The following DYM variants were observed in gnomAD, a reference collection of about 807,000 sequenced individuals.
DYM encodes dymeclin, also known as dyggve-Melchior-Clausen syndrome protein.
In DYM, 78 loss-of-function variants were observed where a neutral mutation model predicts 93.1. The ratio of observed to expected loss-of-function variants is 0.84; its 90% confidence interval spans 0.70 to 1.01. DYM has a LOEUF of 1.01. Ranked by LOEUF, DYM falls within the 50% of genes least tolerant of loss-of-function variation. DYM has a pLI of 0.00. For synonymous variants in DYM, 321 were observed against 319.7 expected, an observed-to-expected ratio of 1.00 and a Z score of -0.04; for missense variants, 789 against 845.0, an observed-to-expected ratio of 0.93 and a Z score of 0.82.
intron 3 of DYM, 77 bp downstream of exon 3, chr18:49,391,516 A>T: frequency 7.4e-7 from 1 of 1,355,100 alleles, no homozygotes; most frequent in Non-Finnish European, 1.1e-6. Flanking sequence ...TTACTTCATT[A>T]ATTCAGTTCA....
At position 49,306,912 on chromosome 18, in the gene DYM, TG is replaced by T. The variant is rs567701654; in HGVS notation, c.764-20297del. On this transcript the variant is annotated intron_variant, in intron 8 of 17. Transcript: ENST00000675505. ...TTGTGAAGAGTATGACGAAAATATC[TG>T]GAGACTGAGGACACAAACTGGTACC... Among the ~76,000 whole-genome samples, 52 of 152,310 alleles carry T rather than the reference TG, an allele frequency of 3.4e-4. 2 individuals carry two copies. In the East Asian group the frequency reaches 8.7e-3, roughly 25 times the overall value.
intron 11 of DYM, among the ~76,000 whole-genome samples, chr18:49,268,460 G>A (rs1236822032): frequency 6.6e-6 from 1 of 152,172 alleles, no homozygotes; most frequent in Non-Finnish European, 1.5e-5. Flanking sequence ...AGTCAGCGAA[G>A]TTTAATTTTA....
At chr18:49,120,078 C>CAAAAAAAAAAAAAAAAAAAA (rs71165367) in intron 15 of DYM, among the ~76,000 whole-genome samples, 13 of 55,992 alleles carry the variant, frequency 2.3e-4, no homozygotes, top group Non-Finnish European at 3.1e-4. Flanking sequence ...GATCCTGTCT[C>CAAAAAAAAAAAAAAAAAAAA]AAAAAAAAAA....
chr18:49,064,585 G>A (rs1293686412), intron 17 of DYM, among the ~76,000 whole-genome samples: 1 of 152,082 alleles, frequency 6.6e-6, no homozygotes, highest in African/African-American at 2.4e-5. Context: ...AATTCTACTT[G>A]AAAACTAAAA....
intron 2 of DYM, chr18:49,412,939 G>A (rs999495696): frequency 6.6e-6 from 1 of 152,182 alleles, no homozygotes; most frequent in Admixed American, 6.5e-5. Context: ...CTCTACTCAA[G>A]GCAAGGTGAA....
At chr18:49,115,420 A>T (rs532088033) in intron 16 of DYM, among the ~76,000 whole-genome samples, 1 of 152,342 alleles carries the variant, frequency 6.6e-6, no homozygotes, top group East Asian at 1.9e-4. Context: ...CATTTACTGC[A>T]GGTGTATATT....
intron 17 of DYM, among the ~76,000 whole-genome samples, chr18:49,051,908 T>G (rs186480368): frequency 1.9e-4 from 29 of 152,356 alleles, no homozygotes; most frequent in Non-Finnish European, 4.1e-4. Flanking sequence ...CAGCCGTTAT[T>G]GGAAAACCTG....
In DYM at chr18:49,368,882, C is replaced by T. The variant is rs114787612; in HGVS notation, c.422-5649G>A. 3.4e-3 allele frequency among the ~76,000 whole-genome samples: 521 copies of T among 152,338 alleles called. 4 individuals are homozygous for T. The highest frequency in any genetic ancestry group is 0.012 in the African/African-American group (483 of 41,578). ...GGGTAATTAACAAATTTTAAATATA[C>T]TTCCACAAATTTCCTATCTTGTATC... On this transcript the variant is annotated intron_variant, in intron 5 of 17. Transcript: ENST00000675505.
chr18:49,355,227 A>G (rs557764038), intron 6 of DYM, among the ~76,000 whole-genome samples: 2 of 152,172 alleles, frequency 1.3e-5, no homozygotes, highest in African/African-American at 4.8e-5. Context: ...ACTTATAGAT[A>G]CATTGATAGA....
intron 13 of DYM, among the ~76,000 whole-genome samples, chr18:49,243,292 G>T (rs1308960344): frequency 3.9e-5 from 6 of 152,102 alleles, no homozygotes; most frequent in Non-Finnish European, 1.5e-5. Context: ...TCTGACACAT[G>T]GTAGCCACAC....
chr18:49,080,101 C>A (rs1222972973), intron 17 of DYM, among the ~76,000 whole-genome samples: 1 of 92,852 alleles, frequency 1.1e-5, no homozygotes, highest in Admixed American at 1.1e-4. Context: ...GGCGGCTGGC[C>A]GGGCGGGGGG....
intron 5 of DYM, among the ~76,000 whole-genome samples, chr18:49,366,675 C>T (rs1376067014): frequency 2.6e-5 from 4 of 152,118 alleles, no homozygotes; most frequent in Admixed American, 6.6e-5. Context: ...TTTTAAATTA[C>T]CACAATAGGT....
intron 15 of DYM, among the ~76,000 whole-genome samples, chr18:49,134,069 G>A (rs1054595264): frequency 1.3e-5 from 2 of 152,172 alleles, no homozygotes; most frequent in Non-Finnish European, 1.5e-5. Context: ...TTGATTGATA[G>A]AAGAACAGAG....
intron 13 of DYM, among the ~76,000 whole-genome samples, chr18:49,251,275 C>G (rs186510181): frequency 6.6e-6 from 1 of 152,320 alleles, no homozygotes; most frequent in East Asian, 1.9e-4. Context: ...AGTCAGACTA[C>G]TGGCATAGTG....
At chr18:49,183,990 C>T (rs1005325977) in intron 14 of DYM, among the ~76,000 whole-genome samples, 3 of 152,192 alleles carry the variant, frequency 2.0e-5, no homozygotes, top group African/African-American at 7.2e-5. Flanking sequence ...CACCAGACCC[C>T]ACTAGACCCC....
At chr18:49,129,979 A>T (rs1411990963) in intron 15 of DYM, among the ~76,000 whole-genome samples, 1 of 152,100 alleles carries the variant, frequency 6.6e-6, no homozygotes, top group Non-Finnish European at 1.5e-5. Context: ...TAAAAGCAAA[A>T]AACTTTCTAG....
intron 16 of DYM, among the ~76,000 whole-genome samples, chr18:49,109,169 C>A (rs2081165070): frequency 6.6e-6 from 1 of 152,092 alleles, no homozygotes; most frequent in African/African-American, 2.4e-5. Context: ...CTGAAAATTT[C>A]TGTCTTTTAA....
At chr18:49,397,799 A>G (rs971977407) in intron 2 of DYM, among the ~76,000 whole-genome samples, 1 of 152,282 alleles carries the variant, frequency 6.6e-6, no homozygotes, top group Non-Finnish European at 1.5e-5. Context: ...GGTTTTTAAA[A>G]GAATGTAAAA....
intron 15 of DYM, among the ~76,000 whole-genome samples, chr18:49,154,899 T>C (rs1382035420): frequency 1.3e-5 from 2 of 152,200 alleles, no homozygotes; most frequent in Admixed American, 1.3e-4. Context: ...TTGTGCATTA[T>C]TGAAAAATTT....
Sources: allele counts gnomAD v4.1 joint callset (sites outside exome capture counted in the v4.1 genomes callset), GRCh38; gene constraint gnomAD v4.1.1; transcripts MANE v1.5; gene names NCBI Gene and HGNC (gene_info 2026-07-23, HGNC 2026-07-21).